EYS: variants seen among roughly 807,000 people sequenced by gnomAD.
The protein encoded by EYS is protein eyes shut homolog.
EYS carries 250 observed loss-of-function variants against 282.1 expected under a neutral mutation model. The observed-to-expected ratio is 0.89, with a 90% CI of 0.80 to 0.98. The LOEUF is 0.98. Ranked by LOEUF, EYS falls within the 50% of genes least tolerant of loss-of-function variation. EYS has a pLI of 0.00. For synonymous variants in EYS, 1,355 were observed against 1,282.9 expected (o/e 1.06, Z -1.20); for missense variants, 4,016 against 3,709.0 (o/e 1.08, Z -2.15).
intron 19 of EYS, among the ~76,000 whole-genome samples, chr6:64,831,562 A>C (rs983062651): frequency 2.0e-5 from 3 of 151,932 alleles, no homozygotes; most frequent in Admixed American, 1.3e-4. Context: ...ATCAATAAAT[A>C]TTTGATGATG....
At chr6:63,789,968 A>G (rs115586947) in intron 37 of EYS, among the ~76,000 whole-genome samples, 1,609 of 152,296 alleles carry the variant, frequency 0.011, 19 homozygotes, top group African/African-American at 0.037. Flanking sequence ...ATATAGCAAG[A>G]GATCTGTTCA....
intron 16 of EYS, among the ~76,000 whole-genome samples, chr6:64,904,649 T>G (rs1056453437): frequency 1.3e-5 from 2 of 152,160 alleles, no homozygotes; most frequent in African/African-American, 4.8e-5. Context: ...GCAGGGCATT[T>G]TGACACTAAA....
At chr6:64,611,692 A>G (rs940218463) in intron 24 of EYS, among the ~76,000 whole-genome samples, 4 of 152,166 alleles carry the variant, frequency 2.6e-5, no homozygotes, top group Non-Finnish European at 4.4e-5. Flanking sequence ...GTGCATTGCA[A>G]GAGGATGTGA....
chr6:64,817,438 C>G (rs754069460), intron 21 of EYS, among the ~76,000 whole-genome samples: 5 of 152,104 alleles, frequency 3.3e-5, no homozygotes, highest in African/African-American at 7.2e-5. Flanking sequence ...ATAAAAAGCT[C>G]ATAAATTACA....
intron 15 of EYS, among the ~76,000 whole-genome samples, chr6:64,928,869 A>G (rs191791106): frequency 8.7e-4 from 132 of 152,238 alleles, no homozygotes; most frequent in Non-Finnish European, 1.6e-3. Flanking sequence ...TTATCTTTGA[A>G]TATGTTTCTA....
rs571597319 is a variant in EYS at position 64,732,152 on chromosome 6, G to T, written c.3443+81226C>A. ...CAGGGAGAGGAACATCACACACTGG[G>T]GCCTGTCGGGGTTGGGGGGCAAGGG... is the stretch of plus-strand genomic sequence containing the variant. On this transcript the variant is annotated intron_variant, in intron 22 of 42. Coordinates refer to ENST00000503581, the MANE Select transcript of EYS (RefSeq NM_001142800.2). Among the ~76,000 whole-genome samples, 7 of 152,104 alleles carry T rather than the reference G, an allele frequency of 4.6e-5. No homozygotes were observed. In the South Asian group the frequency reaches 1.5e-3, roughly 32 times the overall value.
intron 26 of EYS, among the ~76,000 whole-genome samples, chr6:64,529,388 C>G (rs755694664): frequency 7.2e-5 from 11 of 152,070 alleles, no homozygotes; most frequent in Non-Finnish European, 1.5e-4. Context: ...ATTCCTCCCT[C>G]TAGTGAAAGT....
intron 31 of EYS, among the ~76,000 whole-genome samples, chr6:64,157,864 G>A (rs558050558): frequency 2.6e-5 from 4 of 152,294 alleles, no homozygotes; most frequent in South Asian, 2.1e-4. Flanking sequence ...ATGTGGGGTC[G>A]GAGCCCCCAC....
At chr6:65,569,932 C>T (rs1450039245) in intron 2 of EYS, among the ~76,000 whole-genome samples, 2 of 152,002 alleles carry the variant, frequency 1.3e-5, no homozygotes, top group East Asian at 3.9e-4. Context: ...TAAATCAGCT[C>T]AATCTAGGCA....
At chr6:63,875,965 A>G (rs1426134737) in intron 35 of EYS, among the ~76,000 whole-genome samples, 3 of 151,966 alleles carry the variant, frequency 2.0e-5, no homozygotes, top group Non-Finnish European at 4.4e-5. Context: ...TTGTGTCTCT[A>G]TCTCCTTCAG....
chr6:65,059,881 A>G (rs1773519711), intron 12 of EYS, among the ~76,000 whole-genome samples: 1 of 152,100 alleles, frequency 6.6e-6, no homozygotes, highest in African/African-American at 2.4e-5. Context: ...AATTTATAAT[A>G]TTAACATGAT....
Position 65,353,471 on chromosome 6 carries a change from T to C in EYS, c.1446A>G (p.Gln482=), listed in dbSNP as rs999166441. ...TAAATTTGTTACCTGCAAATCCCAA[T>C]TGCCACACATATTCAAATTGAGCAG... ...KGPAQFEYVW[Q]LGFAGSEGEK... The change falls in exon 9 of 43, where the codon CAA becomes CAG. Residue 482 remains glutamine, a synonymous_variant. Coordinates refer to ENST00000503581, the MANE Select transcript of EYS (RefSeq NM_001142800.2). 1.2e-6 allele frequency: 2 copies of C among 1,613,064 alleles called. No individual in the cohort carries two copies. The highest frequency in any genetic ancestry group is 2.7e-5 in the African/African-American group (2 of 75,000).
chr6:64,905,118 G>A (rs1487625054), intron 16 of EYS, among the ~76,000 whole-genome samples: 2 of 152,200 alleles, frequency 1.3e-5, no homozygotes. Context: ...TATAAATGCA[G>A]TAGGCTATCT....
chr6:64,088,592 T>C (rs142596868), intron 31 of EYS, among the ~76,000 whole-genome samples: 1 of 152,016 alleles, frequency 6.6e-6, no homozygotes, highest in African/African-American at 2.4e-5. Context: ...AAGCACAGTA[T>C]TGAGTTTGAA....
chr6:64,525,980 C>A (rs770963957), intron 26 of EYS, among the ~76,000 whole-genome samples: 27 of 151,824 alleles, frequency 1.8e-4, no homozygotes, highest in Middle Eastern at 6.8e-3. Context: ...CCTCTAATAT[C>A]ATCTGTAGAC....
intron 31 of EYS, among the ~76,000 whole-genome samples, chr6:64,147,244 A>G (rs1206894294): frequency 2.0e-5 from 3 of 152,146 alleles, no homozygotes; most frequent in Non-Finnish European, 4.4e-5. Flanking sequence ...GTAGAAAAGG[A>G]GATTGAGCTT....
chr6:65,410,594 C>G (rs1223993039), intron 5 of EYS, among the ~76,000 whole-genome samples: 1 of 143,922 alleles, frequency 6.9e-6, no homozygotes, highest in Non-Finnish European at 1.5e-5. Context: ...TTCTATGATA[C>G]TAGCTTTTTT....
At chr6:65,487,299 C>T (rs7775719) in intron 5 of EYS, among the ~76,000 whole-genome samples, 1,524 of 152,122 alleles carry the variant, frequency 0.01, 27 homozygotes, top group African/African-American at 0.034. Context: ...AGTATGATAC[C>T]GGCTGTGGGT....
intron 22 of EYS, among the ~76,000 whole-genome samples, chr6:64,632,335 A>T (rs1767811114): frequency 1.3e-5 from 2 of 152,110 alleles, no homozygotes; most frequent in Admixed American, 1.3e-4. Flanking sequence ...TATCTCTGTG[A>T]ATAGTACTCT....
Sources: allele counts gnomAD v4.1 joint callset (sites outside exome capture counted in the v4.1 genomes callset), GRCh38; gene constraint gnomAD v4.1.1; transcripts MANE v1.5; gene names NCBI Gene and HGNC (gene_info 2026-07-23, HGNC 2026-07-21).